Variants in ORC4 observed in about 807,000 individuals in gnomAD.
ORC4 encodes the protein origin recognition complex subunit 4.
ORC4 carries 55 observed loss-of-function variants against 63.9 expected under a neutral mutation model. That is an observed-to-expected ratio of 0.86 (90% CI 0.69 to 1.08). The LOEUF is 1.08. Among genes scored for constraint, ORC4 ranks in the 50% least tolerant of loss-of-function variants. The probability of loss-of-function intolerance (pLI) is 0.00; values close to 1 mark genes in which losing one functional copy is unlikely to be tolerated. For missense variants in ORC4, 511 were observed against 504.4 expected, an observed-to-expected ratio of 1.01 and a Z score of -0.13; for synonymous variants, 150 against 168.5, an observed-to-expected ratio of 0.89 and a Z score of 0.85.
At chr2:148,015,008 T>C (rs550645438) in intron 1 of ORC4, among the ~76,000 whole-genome samples, 2 of 151,860 alleles carry the variant, frequency 1.3e-5, no homozygotes, top group South Asian at 4.2e-4. Context: ...TTTAAAAAGA[T>C]ACTGATGCAT....
intron 4 of ORC4, among the ~76,000 whole-genome samples, chr2:147,968,831 C>A (rs1690046193): frequency 6.6e-6 from 1 of 151,776 alleles, no homozygotes; most frequent in Non-Finnish European, 1.5e-5. Context: ...CATCTGCAGC[C>A]CGTATTTATT....
chr2:147,939,073 A>G (rs1433685407), intron 11 of ORC4, 67 bp downstream of exon 11: 2 of 955,354 alleles, frequency 2.1e-6, no homozygotes, highest in Non-Finnish European at 3.4e-6. Flanking sequence ...GTAATTTTAA[A>G]AACATTCCAT....
Position 148,005,900 on chromosome 2 carries a change from C to A in ORC4, c.-18+14733G>T, listed in dbSNP as rs117842656. 1.4e-3 allele frequency among the ~76,000 whole-genome samples: 220 copies of A among 152,084 alleles called. 4 individuals are homozygous for A. In the East Asian group the frequency reaches 0.039, roughly 27 times the overall value. On this transcript the variant is annotated intron_variant, in intron 1 of 13. Coordinates refer to ENST00000392857, the MANE Select transcript of ORC4 (RefSeq NM_181741.4). ...CTGAGGTGGGAGGATCACTTCAGCCCAGGAGGTCAATTGAGGCTGGAATGA... is the reference window on the plus strand; with the variant it reads ...CTGAGGTGGGAGGATCACTTCAGCCAAGGAGGTCAATTGAGGCTGGAATGA...
chr2:147,943,345 G>T, intron 10 of ORC4, 91 bp downstream of exon 10: 3 of 833,148 alleles, frequency 3.6e-6, no homozygotes, highest in Non-Finnish European at 6.2e-6. Flanking sequence ...AAGGCCAGGA[G>T]TTCGCAACCA....
chr2:147,958,475 C>G, intron 5 of ORC4, 92 bp from the exon 6 acceptor site: 1 of 900,296 alleles, frequency 1.1e-6, no homozygotes, highest in Non-Finnish European at 1.8e-6. Context: ...TCTTCCCAGT[C>G]AAAGCCTGTG....
chr2:148,015,307 A>ATTTTTT (rs1158861758), intron 1 of ORC4, among the ~76,000 whole-genome samples: 125 of 92,264 alleles, frequency 1.4e-3, no homozygotes, highest in East Asian at 1.6e-3. Flanking sequence ...TGATATTGGA[A>ATTTTTT]TTTTTTTTTT....
At chr2:148,002,929 A>G (rs548162630) in intron 1 of ORC4, among the ~76,000 whole-genome samples, 35 of 152,360 alleles carry the variant, frequency 2.3e-4, no homozygotes, top group African/African-American at 8.4e-4. Flanking sequence ...TAAAGGGGAT[A>G]TCACCACTGA....
At chr2:147,960,751 C>G (rs1270628454) in intron 4 of ORC4, among the ~76,000 whole-genome samples, 1 of 152,146 alleles carries the variant, frequency 6.6e-6, no homozygotes, top group Non-Finnish European at 1.5e-5. Flanking sequence ...AGGGTCGGTA[C>G]AGTGGGTCAC....
At chr2:147,961,950 G>C (rs925049805) in intron 4 of ORC4, among the ~76,000 whole-genome samples, 2 of 152,302 alleles carry the variant, frequency 1.3e-5, no homozygotes, top group African/African-American at 4.8e-5. Context: ...CAAGATGGCT[G>C]ATTAGAGACT....
At chr2:147,961,867 T>G (rs917748373) in intron 4 of ORC4, among the ~76,000 whole-genome samples, 2 of 152,146 alleles carry the variant, frequency 1.3e-5, no homozygotes, top group African/African-American at 4.8e-5. Flanking sequence ...TAGGGGTTTA[T>G]GAAAAGGTGC....
intron 13 of ORC4, 134 bp downstream of exon 13, chr2:147,938,012 A>G (rs1204194458): frequency 2.8e-6 from 2 of 706,868 alleles, no homozygotes; most frequent in African/African-American, 3.6e-5. Context: ...TCATTTTTAG[A>G]TAATTTTCTT....
intron 5 of ORC4, 75 bp from the exon 6 acceptor site, chr2:147,958,458 A>C: frequency 9.4e-7 from 1 of 1,066,368 alleles, no homozygotes; most frequent in Non-Finnish European, 1.4e-6. Flanking sequence ...TTTTCCAGTT[A>C]AGTAAATCTT....
intron 1 of ORC4, among the ~76,000 whole-genome samples, chr2:148,015,337 T>TG (rs1442530860): frequency 4.4e-5 from 6 of 137,008 alleles, no homozygotes; most frequent in African/African-American, 8.5e-5. Context: ...TTTTTTGAGA[T>TG]GGAGTCTCTC....
intron 9 of ORC4, among the ~76,000 whole-genome samples, chr2:147,947,142 CTT>C (rs1688702414): frequency 1.3e-5 from 2 of 151,770 alleles, no homozygotes; most frequent in Non-Finnish European, 2.9e-5. Flanking sequence ...TAAAATGATC[CTT>C]TTTATAGAGT....
chr2:148,006,045 C>G (rs1692608846), intron 1 of ORC4, among the ~76,000 whole-genome samples: 1 of 152,074 alleles, frequency 6.6e-6, no homozygotes, highest in Non-Finnish European at 1.5e-5. Context: ...AATCACGGCA[C>G]CTGGTTTTAA....
intron 8 of ORC4, among the ~76,000 whole-genome samples, chr2:147,950,704 G>A (rs1688907699): frequency 6.7e-6 from 1 of 149,798 alleles, no homozygotes. Flanking sequence ...GGTGGAGGTT[G>A]CAGTGAGCCG....
chr2:147,947,783 A>G, intron 9 of ORC4: 1 of 230,732 alleles, frequency 4.3e-6, no homozygotes, highest in South Asian at 8.7e-5. Context: ...TACAGATAAA[A>G]CTAAAGCCTC....
chr2:148,009,628 T>C (rs1408623111), intron 1 of ORC4, among the ~76,000 whole-genome samples: 1 of 152,184 alleles, frequency 6.6e-6, no homozygotes, highest in Non-Finnish European at 1.5e-5. Flanking sequence ...AGTAATGACT[T>C]GGGACTTCAA....
chr2:148,018,850 T>A (rs1311456858), intron 1 of ORC4, among the ~76,000 whole-genome samples: 2 of 152,144 alleles, frequency 1.3e-5, no homozygotes, highest in Non-Finnish European at 2.9e-5. Flanking sequence ...AAAGGGATGA[T>A]CAGGAATAGA....
Sources: allele counts gnomAD v4.1 joint callset (sites outside exome capture counted in the v4.1 genomes callset), GRCh38; gene constraint gnomAD v4.1.1; transcripts MANE v1.5; gene names NCBI Gene and HGNC (gene_info 2026-07-23, HGNC 2026-07-21).